The following SIM1 variants were observed in gnomAD, a reference collection of about 807,000 sequenced individuals.
The protein encoded by SIM1 is single-minded homolog 1.
SIM1 carries 18 observed loss-of-function variants against 78.2 expected under a neutral mutation model. The ratio of observed to expected loss-of-function variants is 0.23; its 90% CI spans 0.16 to 0.34. SIM1 has a LOEUF of 0.34. SIM1 is among the 10% of genes least tolerant of loss of function. The pLI, the probability that SIM1 is intolerant of heterozygous loss-of-function variation, is 1.00. For missense variants in SIM1, 939 were observed against 975.1 expected (o/e 0.96, Z 0.49); for synonymous variants, 417 against 385.2 (o/e 1.08, Z -0.97).
intron 6 of SIM1, 52 bp downstream of exon 6, chr6:100,449,311 T>TCC: frequency 6.7e-7 from 1 of 1,503,042 alleles, no homozygotes; most frequent in Admixed American, 1.7e-5. Flanking sequence ...CGCACGCGCC[T>TCC]TGCTTCCCGC....
intron 9 of SIM1, among the ~76,000 whole-genome samples, chr6:100,441,379 C>T (rs1379731812): frequency 6.6e-6 from 1 of 152,164 alleles, no homozygotes; most frequent in African/African-American, 2.4e-5. Context: ...CCTCCATTCT[C>T]TCTCAAAGGC....
At chr6:100,448,327 C>T in intron 7 of SIM1, 75 bp from the exon 8 acceptor site, 1 of 1,367,488 alleles carries the variant, frequency 7.3e-7, no homozygotes, top group Non-Finnish European at 1.0e-6. Context: ...CCTCGACAGC[C>T]GTCTGACACC....
intron 9 of SIM1, among the ~76,000 whole-genome samples, chr6:100,428,497 T>C (rs1247857486): frequency 6.6e-6 from 1 of 152,162 alleles, no homozygotes; most frequent in Non-Finnish European, 1.5e-5. Flanking sequence ...AGCTAACGGG[T>C]GCCTTTTTTG....
intron 9 of SIM1, among the ~76,000 whole-genome samples, chr6:100,432,271 G>A (rs899909325): frequency 2.0e-5 from 3 of 152,224 alleles, no homozygotes; most frequent in East Asian, 1.9e-4. Context: ...CACCTGAAGA[G>A]TGTTAACACA....
intron 10 of SIM1, among the ~76,000 whole-genome samples, chr6:100,403,363 C>T (rs886896541): frequency 2.0e-5 from 3 of 152,228 alleles, no homozygotes; most frequent in African/African-American, 7.2e-5. Flanking sequence ...CCTTCTAGAA[C>T]AGACTGATAA....
At chr6:100,461,030 A>G (rs536992033) in intron 2 of SIM1, among the ~76,000 whole-genome samples, 2 of 151,802 alleles carry the variant, frequency 1.3e-5, no homozygotes, top group East Asian at 3.9e-4. Flanking sequence ...CCTCCTCCCC[A>G]TAAACTCACA....
chr6:100,426,962 T>C (rs1771746974), intron 9 of SIM1, among the ~76,000 whole-genome samples: 1 of 152,198 alleles, frequency 6.6e-6, no homozygotes, highest in African/African-American at 2.4e-5. Context: ...GACATACAAT[T>C]GATTTGGCTC....
At chr6:100,432,242 C>T (rs1771921767) in intron 9 of SIM1, among the ~76,000 whole-genome samples, 1 of 152,210 alleles carries the variant, frequency 6.6e-6, no homozygotes. Context: ...AGTTCTAAAA[C>T]TTCAGCACGC....
At chr6:100,457,124 C>G (rs1232252074) in intron 2 of SIM1, among the ~76,000 whole-genome samples, 1 of 152,190 alleles carries the variant, frequency 6.6e-6, no homozygotes, top group Non-Finnish European at 1.5e-5. Context: ...AATTTAATAC[C>G]CTTGACAAAA....
chr6:100,388,175 T>G lies in SIM1; in HGVS notation c.*2186A>C, dbSNP rs1355714358. The G allele has an allele frequency of 5.3e-5, 8 of 152,210 alleles. No individual in the cohort carries two copies. Among genetic ancestry groups the G allele is most frequent in the Non-Finnish European group, 1.0e-4 (7 of 68,028 alleles). The allele number at this position is 152,210 out of a possible 1,614,324, so 9.4% of individuals were successfully genotyped here. A position where few individuals can be genotyped will look rare whatever the true frequency, so the allele number is the denominator to read the frequency against. On this transcript the variant is annotated 3_prime_UTR_variant, in exon 12 of 12. Transcript: ENST00000369208. ...ATAATTCAAAACTTAGTTTTTATTG[T>G]ATGGTCACCCCTTGGTATAAACAGG...
chr6:100,464,494 C>A (rs1032468197), intron 1 of SIM1, 120 bp downstream of exon 1: 4 of 152,202 alleles, frequency 2.6e-5, no homozygotes, highest in Non-Finnish European at 4.4e-5. Context: ...TAACAGGTGG[C>A]GCGCTCGCGA....
intron 9 of SIM1, among the ~76,000 whole-genome samples, chr6:100,422,962 T>A (rs1045369397): frequency 6.6e-6 from 1 of 152,178 alleles, no homozygotes; most frequent in African/African-American, 2.4e-5. Context: ...TACGATGGCT[T>A]ACTATCAAAT....
At chr6:100,421,039 A>C (rs1485320271) in intron 9 of SIM1, 81 bp from the exon 10 acceptor site, 2 of 1,419,000 alleles carry the variant, frequency 1.4e-6, no homozygotes, top group East Asian at 2.4e-5. Context: ...AATGATAGTA[A>C]TCCGAATTTG....
At position 100,412,608 on chromosome 6, in the gene SIM1, AAAG is replaced by A. The variant is rs1562239624; in HGVS notation, c.1167+8179_1167+8181del. 1.5e-4 allele frequency among the ~76,000 whole-genome samples: 16 copies of A among 104,642 alleles called. 1 individual carries two copies. Among genetic ancestry groups the A allele is most frequent in the African/African-American group, 5.4e-4 (15 of 27,854 alleles). The allele number at this position is 104,642 out of a possible 152,430, so 68.6% of individuals were successfully genotyped here. ...GAAAGAAAGAAAGAAAGAAAGAAAG[AAAG>A]GAAAGAAAGAAGGAAAGAAAGAAAG... On this transcript the variant is annotated intron_variant, in intron 10 of 11. Transcript: ENST00000369208.
intron 4 of SIM1, among the ~76,000 whole-genome samples, chr6:100,450,008 T>A (rs1302199676): frequency 2.6e-5 from 4 of 152,158 alleles, no homozygotes; most frequent in Non-Finnish European, 5.9e-5. Flanking sequence ...GAAATAAGTA[T>A]GTAACGTCCT....
At chr6:100,396,181 C>T (rs1317373885) in intron 10 of SIM1, 2 of 467,138 alleles carry the variant, frequency 4.3e-6, no homozygotes, top group Non-Finnish European at 5.6e-6. Context: ...GAGTGGGGAT[C>T]CAAGTGCTAT....
intron 2 of SIM1, among the ~76,000 whole-genome samples, chr6:100,457,541 G>C (rs1772699504): frequency 6.6e-6 from 1 of 152,196 alleles, no homozygotes; most frequent in Non-Finnish European, 1.5e-5. Flanking sequence ...GCACATCCTC[G>C]CTAAATGTGT....
rs990295196 is a variant in SIM1, at chr6:100,386,930, T to A, written c.*3431A>T. On this transcript the variant is annotated 3_prime_UTR_variant, in exon 12 of 12. Transcript: ENST00000369208. Reference sequence around the variant, plus strand: ...ACCTAAATATCTGACCTGTAGTGATTGTGACATTAATATTACACATCCCAA... The same window carrying A: ...ACCTAAATATCTGACCTGTAGTGATAGTGACATTAATATTACACATCCCAA... 6.6e-5 allele frequency: 10 copies of A among 152,082 alleles called. No homozygotes were observed. The highest frequency in any genetic ancestry group is 2.4e-4 in the African/African-American group (10 of 41,434). The allele number at this position is 152,082 out of a possible 1,614,324, so 9.4% of individuals were successfully genotyped here.
At chr6:100,425,091 G>A (rs1004516417) in intron 9 of SIM1, among the ~76,000 whole-genome samples, 2 of 152,086 alleles carry the variant, frequency 1.3e-5, no homozygotes, top group Non-Finnish European at 2.9e-5. Context: ...TACTATTCTT[G>A]TGATAGTGAA....
Sources: gnomAD v4.1 joint callset for allele counts (sites outside exome capture counted in the v4.1 genomes callset) on GRCh38, gnomAD v4.1.1 for gene constraint, MANE v1.5 for transcripts, NCBI Gene and HGNC (gene_info 2026-07-23, HGNC 2026-07-21) for gene names.